NR3C1: variants seen among roughly 807,000 people sequenced by gnomAD.
The protein encoded by NR3C1 is nuclear receptor subfamily 3 group C member 1.
Under a neutral mutation model 74.0 loss-of-function variants are expected in NR3C1, and 14 were observed. That is an observed-to-expected ratio of 0.19 (90% CI 0.12 to 0.30). NR3C1 has a LOEUF of 0.30. NR3C1 is among the 10% of genes least tolerant of loss of function. The pLI, the probability that NR3C1 is intolerant of heterozygous loss-of-function variation, is 1.00. For synonymous variants in NR3C1, 308 were observed against 332.5 expected, an observed-to-expected ratio of 0.93 and a Z score of 0.80; for missense variants, 695 against 909.8, an observed-to-expected ratio of 0.76 and a Z score of 3.04.
chr5:143,361,902 G>A (rs556390647), intron 2 of NR3C1, among the ~76,000 whole-genome samples: 14 of 152,308 alleles, frequency 9.2e-5, no homozygotes, highest in African/African-American at 3.1e-4. Flanking sequence ...AAAACAGCTT[G>A]AAAGACCTCT....
intron 2 of NR3C1, among the ~76,000 whole-genome samples, chr5:143,380,571 G>A (rs2151885300): frequency 7.7e-6 from 1 of 129,152 alleles, no homozygotes; most frequent in East Asian, 2.5e-4. Flanking sequence ...TCTTCAGACA[G>A]TTTTATTCTA....
intron 1 of NR3C1, 22 bp from the exon 2 acceptor site, chr5:143,400,874 C>G: frequency 6.4e-7 from 1 of 1,565,902 alleles, no homozygotes; most frequent in Non-Finnish European, 8.7e-7. Flanking sequence ...AAAACAAAAA[C>G]GGGGGGAAAA....
upstream of NR3C1, chr5:143,403,859 C>T: frequency 1.0e-6 from 1 of 975,364 alleles, no homozygotes; most frequent in Non-Finnish European, 1.2e-6. Flanking sequence ...GCCCCGCCAC[C>T]CCGGCCCCGA....
intron 7 of NR3C1, among the ~76,000 whole-genome samples, chr5:143,285,936 T>C (rs1269605075): frequency 1.4e-5 from 2 of 146,982 alleles, no homozygotes; most frequent in African/African-American, 2.5e-5. Context: ...TATGAAAACA[T>C]TGGTAAAACT....
intron 2 of NR3C1, among the ~76,000 whole-genome samples, chr5:143,351,694 T>C (rs1238699646): frequency 6.6e-6 from 1 of 152,212 alleles, no homozygotes; most frequent in Non-Finnish European, 1.5e-5. Flanking sequence ...TCTACTCTAT[T>C]ATTAGCTAAC....
At chr5:143,383,326 C>G (rs1031015658) in intron 2 of NR3C1, among the ~76,000 whole-genome samples, 1 of 152,174 alleles carries the variant, frequency 6.6e-6, no homozygotes, top group East Asian at 1.9e-4. Context: ...AAAGGCAAGG[C>G]CATGCTATTT....
chr5:143,403,563 C>G lies in NR3C1; in HGVS notation c.-366G>C, dbSNP rs1425935908. ...ACGGGCAGGCGGTGACTCGGGCTCCCGTCACAGACACGAGCTCGCAAAATG... is the reference window on the plus strand; with the variant it reads ...ACGGGCAGGCGGTGACTCGGGCTCCGGTCACAGACACGAGCTCGCAAAATG... On this transcript the variant is annotated 5_prime_UTR_variant, in exon 1 of 9. Coordinates refer to ENST00000394464, the MANE Select transcript of NR3C1 (RefSeq NM_000176.3). The G allele has an allele frequency of 2.0e-6, 2 of 985,896 alleles. No homozygotes were observed. Among genetic ancestry groups the G allele is most frequent in the African/African-American group, 1.7e-5 (1 of 57,230 alleles). 61.1% of individuals were successfully genotyped at this position (985,896 alleles called of 1,614,324 possible).
chr5:143,362,485 C>T (rs967694055), intron 2 of NR3C1, among the ~76,000 whole-genome samples: 3 of 151,766 alleles, frequency 2.0e-5, no homozygotes, highest in Non-Finnish European at 1.5e-5. Context: ...CTCAGCCTCC[C>T]GAGTAGCTGG....
At position 143,342,621 on chromosome 5, in the gene NR3C1, C is replaced by T. The variant is rs181618545; in HGVS notation, c.1185-28453G>A. Among the ~76,000 whole-genome samples the T allele has an allele frequency of 1.4e-4, 22 of 152,198 alleles. No individual in the cohort carries two copies. In the East Asian group the frequency reaches 4.2e-3, roughly 29 times the overall value. ...CAAAAACCAGGAGAAGGAGATGCCC[C>T]AAAATGTTTTAAGAAGGAATCAGAA... is the stretch of plus-strand genomic sequence containing the variant. On this transcript the variant is annotated intron_variant, in intron 2 of 8. Transcript: ENST00000394464.
rs1344615209 is a variant in NR3C1 at position 143,352,085 on chromosome 5, G to A, written c.1185-37917C>T. ...ACATTCCTAGTCATTTAACTTTTCT[G>A]GGGTGGCTTTCTAATATTTTATACA... On this transcript the variant is annotated intron_variant, in intron 2 of 8. Transcript: ENST00000394464. Among the ~76,000 whole-genome samples, 3 of 152,202 alleles carry A rather than the reference G, an allele frequency of 2.0e-5. No individual in the cohort carries two copies. In the East Asian group the frequency reaches 5.8e-4, roughly 29 times the overall value.
At chr5:143,328,011 G>A (rs987752713) in intron 2 of NR3C1, among the ~76,000 whole-genome samples, 3 of 152,200 alleles carry the variant, frequency 2.0e-5, no homozygotes, top group Non-Finnish European at 2.9e-5. Flanking sequence ...CTTCCGCATT[G>A]CCCTAGCAGA....
chr5:143,327,236 A>G (rs1204403940), intron 2 of NR3C1, among the ~76,000 whole-genome samples: 4 of 152,164 alleles, frequency 2.6e-5, no homozygotes, highest in Non-Finnish European at 5.9e-5. Flanking sequence ...AGAGAGAAAG[A>G]GCACAAGGGA....
At chr5:143,376,618 T>C (rs1203668036) in intron 2 of NR3C1, among the ~76,000 whole-genome samples, 2 of 152,222 alleles carry the variant, frequency 1.3e-5, no homozygotes, top group Non-Finnish European at 2.9e-5. Context: ...ACAGAATTTA[T>C]TGGCATATTT....
intron 4 of NR3C1, among the ~76,000 whole-genome samples, chr5:143,301,080 A>G (rs945829158): frequency 2.7e-4 from 41 of 152,188 alleles, no homozygotes; most frequent in Non-Finnish European, 5.0e-4. Flanking sequence ...ATTCTTCTAT[A>G]AATTATTTTT....
chr5:143,429,458 C>T lies in NR3C1; in HGVS notation c.-14+5074G>A, dbSNP rs139761456. 1.6e-3 allele frequency among the ~76,000 whole-genome samples: 244 copies of T among 152,226 alleles called. 1 individual carries two copies. The East Asian group carries it at 0.035, about 22-fold the overall frequency. ...GGCATGAAAATGTTAAGAGATTTGGCAAGGTTATGTAGCCATTTTTCAGGC... is the reference window on the plus strand; with the variant it reads ...GGCATGAAAATGTTAAGAGATTTGGTAAGGTTATGTAGCCATTTTTCAGGC... On this transcript the variant is annotated intron_variant, in intron 1 of 8. Coordinates refer to the NR3C1 transcript ENST00000343796.
At chr5:143,319,302 C>G (rs1011211751) in intron 2 of NR3C1, among the ~76,000 whole-genome samples, 5 of 152,014 alleles carry the variant, frequency 3.3e-5, no homozygotes, top group African/African-American at 1.2e-4. Flanking sequence ...GAGAAAGGGG[C>G]AGAGTTGGTA....
At position 143,424,952 on chromosome 5, in the gene NR3C1, A is replaced by G. The variant is rs184871407; in HGVS notation, c.-14+9580T>C. Among the ~76,000 whole-genome samples the G allele has an allele frequency of 3.0e-4, 46 of 152,352 alleles. 1 individual carries two copies. The East Asian group carries it at 5.4e-3, about 18-fold the overall frequency. ...TCAAAATAGCAAAACAATCTATAAA[A>G]AAAGGCAAAGTTCGAGGACTCACAA... is the stretch of plus-strand genomic sequence containing the variant. On this transcript the variant is annotated intron_variant, in intron 1 of 8. Transcript: ENST00000343796.
intron 2 of NR3C1, chr5:143,375,793 A>T (rs866235640): frequency 2.0e-5 from 3 of 152,226 alleles, no homozygotes; most frequent in Non-Finnish European, 4.4e-5. Context: ...TTGATCAAAG[A>T]GGAACATAAG....
chr5:143,336,616 G>A (rs1827170658), intron 2 of NR3C1, among the ~76,000 whole-genome samples: 1 of 152,142 alleles, frequency 6.6e-6, no homozygotes, highest in African/African-American at 2.4e-5. Context: ...AGAAATGGTA[G>A]GTCAGACTAT....
Sources: allele counts gnomAD v4.1 joint callset (sites outside exome capture counted in the v4.1 genomes callset), GRCh38; gene constraint gnomAD v4.1.1; transcripts MANE v1.5; gene names NCBI Gene and HGNC (gene_info 2026-07-23, HGNC 2026-07-21).